The following DMD variants were observed in gnomAD, a reference collection of about 807,000 sequenced individuals.
The protein encoded by DMD is dystrophin.
DMD carries 63 observed loss-of-function variants against 330.1 expected under a neutral mutation model. The observed-to-expected ratio is 0.19, with a 90% CI of 0.16 to 0.24. The LOEUF is 0.24. Ranked by LOEUF, DMD falls within the 10% of genes least tolerant of loss-of-function variation. The probability of loss-of-function intolerance (pLI) is 1.00; values close to 1 mark genes in which losing one functional copy is unlikely to be tolerated. For synonymous variants in DMD, 1,223 were observed against 959.8 expected, an observed-to-expected ratio of 1.27 and a Z score of -5.07; for missense variants, 3,344 against 2,684.1, an observed-to-expected ratio of 1.25 and a Z score of -5.43.
intron 63 of DMD, among the ~76,000 whole-genome samples, chrX:31,242,550 T>C (rs1455537679): frequency 9.0e-6 from 1 of 111,466 alleles, no homozygotes; most frequent in Non-Finnish European, 1.9e-5. Context: ...TAAGTTGGTG[T>C]ACACGGTCTT....
chrX:32,102,471 T>G (rs1411713691), intron 44 of DMD, among the ~76,000 whole-genome samples: 1 of 111,464 alleles, frequency 9.0e-6, no homozygotes, highest in Non-Finnish European at 1.9e-5. Context: ...AATAAGTCAT[T>G]TACTTATTTA....
chrX:31,741,081 T>A (rs1207907039), intron 51 of DMD, among the ~76,000 whole-genome samples: 1 of 112,053 alleles, frequency 8.9e-6, no homozygotes, highest in Non-Finnish European at 1.9e-5. Flanking sequence ...CTGGATCCGC[T>A]GAAGTTTTAC....
intron 74 of DMD, among the ~76,000 whole-genome samples, chrX:31,162,790 C>T (rs1229244585): frequency 1.8e-5 from 2 of 111,508 alleles, no homozygotes; most frequent in African/African-American, 6.5e-5. Flanking sequence ...CTGGGTTATC[C>T]ATTCACTGCC....
At chrX:32,888,817 CTA>C (rs1250685918) in intron 2 of DMD, among the ~76,000 whole-genome samples, 6 of 111,713 alleles carry the variant, frequency 5.4e-5, no homozygotes, top group African/African-American at 2.0e-4. Flanking sequence ...CAATGGAACA[CTA>C]TTCAACTTTA....
intron 9 of DMD, among the ~76,000 whole-genome samples, chrX:32,696,040 T>C (rs1252943211): frequency 5.3e-5 from 6 of 112,202 alleles, no homozygotes; most frequent in Admixed American, 4.7e-4. Context: ...GAGTGATGTG[T>C]CTGGGGAGTG....
intron 60 of DMD, among the ~76,000 whole-genome samples, chrX:31,351,899 G>C (rs2692993): frequency 0.44 from 46,594 of 106,265 alleles, 7,657 homozygotes; most frequent in East Asian, 0.64. Flanking sequence ...TATTCCCCCC[G>C]ACTTCATTGA....
At chrX:32,444,666 T>C (rs1163087649) in intron 27 of DMD, among the ~76,000 whole-genome samples, 1 of 110,939 alleles carries the variant, frequency 9.0e-6, no homozygotes, top group East Asian at 2.9e-4. Flanking sequence ...CTACATTTCA[T>C]TTTGGGAGAT....
At chrX:32,575,487 C>T (rs775363048) in intron 13 of DMD, among the ~76,000 whole-genome samples, 6 of 112,186 alleles carry the variant, frequency 5.3e-5, no homozygotes, top group African/African-American at 1.9e-4. Flanking sequence ...CCATAGCGCT[C>T]AAACAGTGAT....
chrX:31,490,334 G>A (rs748949177), intron 57 of DMD, among the ~76,000 whole-genome samples: 7 of 111,625 alleles, frequency 6.3e-5, no homozygotes, highest in Admixed American at 3.8e-4. Context: ...AGGCTGAGGC[G>A]GGTGGATCAC....
At chrX:33,009,283 T>TATGTGTGTATATGTGTATATACAC (rs750454934) in intron 2 of DMD, among the ~76,000 whole-genome samples, 3 of 59,148 alleles carry the variant, frequency 5.1e-5, no homozygotes, top group Admixed American at 1.8e-4. Flanking sequence ...CACATATGTG[T>TATGTGTGTATATGTGTATATACAC]ATGTGTGTAT....
chrX:32,953,273 A>C (rs2091369950), intron 2 of DMD, among the ~76,000 whole-genome samples: 1 of 111,585 alleles, frequency 9.0e-6, no homozygotes, highest in Non-Finnish European at 1.9e-5. Flanking sequence ...CTAATACATA[A>C]TGCAAAATGA....
intron 7 of DMD, among the ~76,000 whole-genome samples, chrX:32,765,585 T>G (rs1048496569): frequency 9.0e-6 from 1 of 111,685 alleles, no homozygotes; most frequent in African/African-American, 3.3e-5. Context: ...CATATAGGAG[T>G]TCTTGGCACA....
Position 32,033,676 on chromosome X carries a change from GGAAA to G in DMD, c.6439-65166_6439-65163del, listed in dbSNP as rs1482528136. ...AAGAAGAAAGAAAGAAAGAAAGGAA[GGAAA>G]GAAAGAAAGAGAAAGAAAGAAAGAA... On this transcript the variant is annotated intron_variant, in intron 44 of 78. Coordinates refer to ENST00000357033, the MANE Select transcript of DMD (RefSeq NM_004006.3). Among the ~76,000 whole-genome samples the G allele has an allele frequency of 1.8e-3, 165 of 90,283 alleles. 1 individual carries two copies. The highest frequency in any genetic ancestry group is 2.8e-3 in the Non-Finnish European group (128 of 45,783). The allele number at this position is 90,283 out of a possible 115,157, so 78.4% of individuals were successfully genotyped here. A position where few individuals can be genotyped will look rare whatever the true frequency, so the allele number is the denominator to read the frequency against.
chrX:32,692,001 T>C (rs983028293), intron 9 of DMD, among the ~76,000 whole-genome samples: 3 of 110,903 alleles, frequency 2.7e-5, no homozygotes, highest in Non-Finnish European at 5.7e-5. Context: ...CTAGAGGCTG[T>C]GGAGAGGAGG....
intron 63 of DMD, among the ~76,000 whole-genome samples, chrX:31,227,770 T>C (rs781577523): frequency 1.8e-5 from 2 of 111,240 alleles, no homozygotes; most frequent in Non-Finnish European, 3.8e-5. Context: ...TCCTCTTTTA[T>C]TTCCTTGAGC....
intron 62 of DMD, among the ~76,000 whole-genome samples, chrX:31,288,332 C>A (rs768418549): frequency 4.5e-5 from 5 of 111,769 alleles, no homozygotes; most frequent in Non-Finnish European, 7.5e-5. Flanking sequence ...AGCACTTCAC[C>A]AGTTAAGTCT....
intron 59 of DMD, among the ~76,000 whole-genome samples, chrX:31,446,636 G>A (rs1454127794): frequency 9.0e-6 from 1 of 111,722 alleles, no homozygotes; most frequent in East Asian, 2.8e-4. Context: ...ATCAGAATAA[G>A]GGCCCATGGA....
chrX:32,608,091 T>C (rs1569298980), intron 12 of DMD, among the ~76,000 whole-genome samples: 3 of 110,252 alleles, frequency 2.7e-5, no homozygotes, highest in African/African-American at 9.8e-5. Flanking sequence ...TGTGACATTC[T>C]AAGTAATGTT....
chrX:31,521,516 G>A (rs1371691047), intron 55 of DMD, among the ~76,000 whole-genome samples: 2 of 112,107 alleles, frequency 1.8e-5, no homozygotes, highest in African/African-American at 6.5e-5. Context: ...AACACCCTGA[G>A]TAAGAAATGA....
Sources: gnomAD v4.1 joint callset for allele counts (sites outside exome capture counted in the v4.1 genomes callset) on GRCh38, gnomAD v4.1.1 for gene constraint, MANE v1.5 for transcripts, NCBI Gene and HGNC (gene_info 2026-07-23, HGNC 2026-07-21) for gene names.